The following DNAJC1 variants were observed in gnomAD, a reference collection of about 807,000 sequenced individuals.
The protein encoded by DNAJC1 is dnaJ homolog subfamily C member 1.
A neutral mutation model predicts 76.6 loss-of-function variants in DNAJC1; 58 were observed. The observed-to-expected ratio is 0.76, with a 90% confidence interval of 0.61 to 0.94. DNAJC1 has a LOEUF of 0.94. Among genes scored for constraint, DNAJC1 ranks in the 40% least tolerant of loss-of-function variants. The pLI is 0.00. For missense variants in DNAJC1, 689 were observed against 677.3 expected (o/e 1.02, Z -0.19); for synonymous variants, 258 against 267.9 (o/e 0.96, Z 0.36).
At chr10:21,836,762 C>G (rs1835466266) in intron 8 of DNAJC1, among the ~76,000 whole-genome samples, 1 of 152,228 alleles carries the variant, frequency 6.6e-6, no homozygotes, top group South Asian at 2.1e-4. Context: ...GGGATCAATT[C>G]AACAAGAAGA....
intron 1 of DNAJC1, among the ~76,000 whole-genome samples, chr10:21,930,236 A>C (rs551769029): frequency 6.6e-6 from 1 of 152,342 alleles, no homozygotes; most frequent in African/African-American, 2.4e-5. Flanking sequence ...TCGGCCTCCC[A>C]AAGTGTAGGA....
rs763828735 is a variant in DNAJC1 at position 21,904,555 on chromosome 10, C to A, written c.787G>T (p.Ala263Ser). 9.3e-6 allele frequency: 15 copies of A among 1,606,968 alleles called. No individual in the cohort carries two copies. The highest frequency in any genetic ancestry group is 1.3e-5 in the Non-Finnish European group (15 of 1,176,984). The change falls in exon 7 of 12, where the codon GCA (alanine) becomes TCA (serine). Residue 263 changes from alanine to serine, a missense_variant. Ala to Ser is a moderately conservative substitution (Grantham distance 99). Transcript: ENST00000376980. ...GTTTCAAGTTCAGTTCTAGTCAGTG[C>A]ATCTTCCTTTTCCTTCAATCTTGTT... ...KETRLKEKED[A>S]LTRTELETLQ...
At chr10:21,875,343 A>T (rs1157871046) in intron 8 of DNAJC1, among the ~76,000 whole-genome samples, 1 of 152,084 alleles carries the variant, frequency 6.6e-6, no homozygotes, top group African/African-American at 2.4e-5. Context: ...TTTTGTAGAG[A>T]TGCAGTCTTC....
chr10:21,928,378 T>C, intron 3 of DNAJC1, 128 bp downstream of exon 3: 2 of 790,024 alleles, frequency 2.5e-6, no homozygotes, highest in Non-Finnish European at 4.1e-6. Context: ...TTTAAAACAC[T>C]GCATTTCTCG....
At chr10:21,788,490 T>A (rs1475064681) in intron 9 of DNAJC1, among the ~76,000 whole-genome samples, 2 of 152,200 alleles carry the variant, frequency 1.3e-5, no homozygotes, top group Non-Finnish European at 2.9e-5. Context: ...AGTACCCTGC[T>A]TCTCTGGAGC....
At chr10:21,908,234 A>AT (rs1836789862) in intron 6 of DNAJC1, among the ~76,000 whole-genome samples, 2 of 38,732 alleles carry the variant, frequency 5.2e-5, no homozygotes, top group Admixed American at 6.3e-4. Flanking sequence ...ATATATATAA[A>AT]ATATATATAA....
chr10:21,765,965 C>T (rs1391852240), intron 10 of DNAJC1, among the ~76,000 whole-genome samples: 2 of 152,302 alleles, frequency 1.3e-5, no homozygotes, highest in South Asian at 2.1e-4. Context: ...ATAGCATTTG[C>T]GTGGTGTGCA....
intron 8 of DNAJC1, among the ~76,000 whole-genome samples, chr10:21,846,224 A>C (rs1447590041): frequency 1.3e-5 from 2 of 152,244 alleles, no homozygotes; most frequent in African/African-American, 2.4e-5. Context: ...GTTCAAGCAC[A>C]ATGCCTGTCA....
chr10:21,837,932 G>A (rs1290169219), intron 8 of DNAJC1, among the ~76,000 whole-genome samples: 7 of 115,758 alleles, frequency 6.0e-5, no homozygotes, highest in Non-Finnish European at 7.5e-5. Context: ...GGCAGCCCCC[G>A]CCCGGCCAGC....
chr10:21,958,188 T>C (rs1837724880), intron 1 of DNAJC1, among the ~76,000 whole-genome samples: 1 of 152,174 alleles, frequency 6.6e-6, no homozygotes, highest in Non-Finnish European at 1.5e-5. Context: ...AATTTCTCCA[T>C]ATAATACTAA....
At chr10:21,876,163 T>G (rs1590027285) in intron 8 of DNAJC1, among the ~76,000 whole-genome samples, 1 of 151,296 alleles carries the variant, frequency 6.6e-6, no homozygotes, top group Non-Finnish European at 1.5e-5. Flanking sequence ...TATGCTGGAG[T>G]GCAGTGGCAT....
intron 1 of DNAJC1, among the ~76,000 whole-genome samples, chr10:21,965,256 TGTCTA>T (rs1837873213): frequency 6.6e-6 from 1 of 152,344 alleles, no homozygotes; most frequent in East Asian, 1.9e-4. Context: ...TCTAATCTGC[TGTCTA>T]GTCTATTTTG....
intron 7 of DNAJC1, among the ~76,000 whole-genome samples, chr10:21,883,251 A>AACAT (rs1160723536): frequency 7.8e-6 from 1 of 128,956 alleles, no homozygotes; most frequent in Non-Finnish European, 1.6e-5. Context: ...TTCTATCTCA[A>AACAT]ACACACACAC....
chr10:21,970,806 A>G (rs1013869638), intron 1 of DNAJC1, among the ~76,000 whole-genome samples: 5 of 151,986 alleles, frequency 3.3e-5, no homozygotes, highest in African/African-American at 1.2e-4. Context: ...TGTTAGCCAA[A>G]GAGTTCTTTA....
intron 1 of DNAJC1, among the ~76,000 whole-genome samples, chr10:22,000,388 C>T (rs377291577): frequency 6.6e-6 from 1 of 152,164 alleles, no homozygotes. Context: ...AAGTAAAAGC[C>T]GAAGTCCTTA....
At chr10:21,924,078 C>T (rs184569317) in intron 3 of DNAJC1, among the ~76,000 whole-genome samples, 144 of 151,950 alleles carry the variant, frequency 9.5e-4, no homozygotes, top group Non-Finnish European at 1.3e-4. Flanking sequence ...TGAATAAAAA[C>T]TACTTGTACA....
intron 9 of DNAJC1, among the ~76,000 whole-genome samples, chr10:21,804,179 C>A (rs1298775024): frequency 6.6e-6 from 1 of 152,056 alleles, no homozygotes; most frequent in Non-Finnish European, 1.5e-5. Context: ...TAAAAATTTA[C>A]CAGGTTTTAA....
At chr10:21,995,700 T>C (rs1215085913) in intron 1 of DNAJC1, among the ~76,000 whole-genome samples, 7 of 152,236 alleles carry the variant, frequency 4.6e-5, no homozygotes, top group African/African-American at 1.7e-4. Flanking sequence ...ACACATATTC[T>C]AACAAAAATG....
chr10:21,977,892 A>G (rs777938330), intron 1 of DNAJC1, among the ~76,000 whole-genome samples: 5 of 152,156 alleles, frequency 3.3e-5, no homozygotes, highest in Non-Finnish European at 5.9e-5. Flanking sequence ...AATAATAAGT[A>G]AATTTCTTTT....
Sources: gnomAD v4.1 joint callset for allele counts (sites outside exome capture counted in the v4.1 genomes callset) on GRCh38, gnomAD v4.1.1 for gene constraint, MANE v1.5 for transcripts, NCBI Gene and HGNC (gene_info 2026-07-23, HGNC 2026-07-21) for gene names.